RASA1: variants seen among roughly 807,000 people sequenced by gnomAD.
RASA1 encodes the protein ras GTPase-activating protein 1.
A neutral mutation model predicts 132.2 loss-of-function variants in RASA1; 25 were observed. The ratio of observed to expected loss-of-function variants is 0.19; its 90% CI spans 0.14 to 0.26. The LOEUF is 0.26. Among genes scored for constraint, RASA1 ranks in the 10% least tolerant of loss-of-function variants. RASA1 has a pLI of 1.00. For synonymous variants in RASA1, 477 were observed against 449.9 expected (o/e 1.06, Z -0.76); for missense variants, 964 against 1,299.2 (o/e 0.74, Z 3.97).
At chr5:87,327,044 G>A (rs1228985429) in intron 1 of RASA1, among the ~76,000 whole-genome samples, 3 of 152,146 alleles carry the variant, frequency 2.0e-5, no homozygotes, top group Non-Finnish European at 4.4e-5. Context: ...TATCCTTTGA[G>A]TATCCTCTAC....
intron 1 of RASA1, among the ~76,000 whole-genome samples, chr5:87,281,889 A>G (rs1309415238): frequency 6.6e-6 from 1 of 151,824 alleles, no homozygotes; most frequent in Non-Finnish European, 1.5e-5. Flanking sequence ...CCTATTGCCT[A>G]TTTTCGAGTT....
At chr5:87,311,780 G>A (rs1233977483) in intron 1 of RASA1, among the ~76,000 whole-genome samples, 1 of 152,172 alleles carries the variant, frequency 6.6e-6, no homozygotes, top group African/African-American at 2.4e-5. Context: ...TGACTCCAGA[G>A]GTCAGACTGA....
intron 1 of RASA1, among the ~76,000 whole-genome samples, chr5:87,269,945 A>G (rs2112225060): frequency 6.6e-6 from 1 of 152,268 alleles, no homozygotes; most frequent in South Asian, 2.1e-4. Flanking sequence ...ATTGACCCTT[A>G]GAATTTTAAC....
intron 15 of RASA1, among the ~76,000 whole-genome samples, chr5:87,375,164 C>T (rs1380832488): frequency 6.6e-6 from 1 of 152,178 alleles, no homozygotes; most frequent in Admixed American, 6.5e-5. Flanking sequence ...TAGCCACCCT[C>T]CTTTCTCCAA....
At chr5:87,332,674 C>CT (rs771476541) in intron 3 of RASA1, 32 bp downstream of exon 3, 9 of 1,581,430 alleles carry the variant, frequency 5.7e-6, no homozygotes, top group Non-Finnish European at 2.6e-6. Flanking sequence ...TCTTTCAAAA[C>CT]TTTATTTTTT....
intron 1 of RASA1, among the ~76,000 whole-genome samples, chr5:87,271,627 T>A (rs1753845054): frequency 6.6e-6 from 1 of 151,172 alleles, no homozygotes; most frequent in Admixed American, 6.6e-5. Flanking sequence ...GGATTACAGG[T>A]GCCCGCAACC....
intron 11 of RASA1, among the ~76,000 whole-genome samples, chr5:87,364,813 G>C (rs1276907739): frequency 1.3e-5 from 2 of 152,094 alleles, no homozygotes; most frequent in African/African-American, 4.8e-5. Flanking sequence ...AAAACATTCT[G>C]TTGAGCCACC....
At chr5:87,285,760 A>G (rs1208732553) in intron 1 of RASA1, among the ~76,000 whole-genome samples, 1 of 150,970 alleles carries the variant, frequency 6.6e-6, no homozygotes, top group African/African-American at 2.4e-5. Context: ...CTGGGATCAT[A>G]GGCGCACACC....
At position 87,267,955 on chromosome 5, in the gene RASA1, C is replaced by A. The variant is rs1753639141; in HGVS notation, c.-497C>A. On this transcript the variant is annotated 5_prime_UTR_variant, in exon 1 of 25. Coordinates refer to ENST00000274376, the MANE Select transcript of RASA1 (RefSeq NM_002890.3). ...TACCCCGCCCCCCTTTCTCTTGCCC[C>A]CCCACCCCTCTCATCTGCCTGGTGG... The A allele has an allele frequency of 5.1e-6, 2 of 393,024 alleles. No homozygotes were observed. The highest frequency in any genetic ancestry group is 2.8e-4 in the South Asian group (2 of 7,270). 24.3% of individuals were successfully genotyped at this position (393,024 alleles called of 1,614,324 possible).
rs779299337 is a variant in RASA1, at chr5:87,338,104, C to T, written c.1017+13C>T. 112 of 1,611,346 alleles carry T rather than the reference C, an allele frequency of 7.0e-5. No individual in the cohort carries two copies. The highest frequency in any genetic ancestry group is 9.2e-5 in the Non-Finnish European group (109 of 1,178,672). ...AGTAGAAGAGGTGGTAAGTTTTGTT[C>T]TTTTCTTCTCAATTCTAGATTCTAA... On this transcript the variant is annotated intron_variant, in intron 5 of 24. Transcript: ENST00000274376.
Position 87,268,380 on chromosome 5 carries a change from T to C in RASA1, c.-72T>C, listed in dbSNP as rs1187459985. On this transcript the variant is annotated 5_prime_UTR_variant, in exon 1 of 25. Coordinates refer to ENST00000274376, the MANE Select transcript of RASA1 (RefSeq NM_002890.3). ...GGGAGACGCGTCTGGGTGGGGCTGCTCGGAGCCCGGGCCTGGTGGCCCCTG... is the reference window on the plus strand; with the variant it reads ...GGGAGACGCGTCTGGGTGGGGCTGCCCGGAGCCCGGGCCTGGTGGCCCCTG... The C allele has an allele frequency of 7.6e-6, 11 of 1,455,924 alleles. No individual in the cohort carries two copies. The highest frequency in any genetic ancestry group is 1.0e-5 in the Non-Finnish European group (11 of 1,102,952). 90.2% of individuals were successfully genotyped at this position (1,455,924 alleles called of 1,614,324 possible).
At chr5:87,298,150 C>A (rs956611746) in intron 1 of RASA1, among the ~76,000 whole-genome samples, 1 of 152,100 alleles carries the variant, frequency 6.6e-6, no homozygotes, top group African/African-American at 2.4e-5. Flanking sequence ...TGGCTCACAC[C>A]TGTAATCCCA....
chr5:87,359,204 AG>A (rs1173748739), intron 9 of RASA1, among the ~76,000 whole-genome samples: 7 of 152,176 alleles, frequency 4.6e-5, no homozygotes, highest in Non-Finnish European at 8.8e-5. Flanking sequence ...TGACAAAGCT[AG>A]GATCTGCAAG....
intron 1 of RASA1, among the ~76,000 whole-genome samples, chr5:87,326,537 T>A (rs974368394): frequency 6.6e-6 from 1 of 152,156 alleles, no homozygotes; most frequent in Non-Finnish European, 1.5e-5. Context: ...TTTCCCCATC[T>A]TCCTTAGAGA....
intron 1 of RASA1, among the ~76,000 whole-genome samples, chr5:87,308,051 G>A (rs1025390518): frequency 4.6e-5 from 7 of 151,996 alleles, no homozygotes; most frequent in Admixed American, 2.6e-4. Flanking sequence ...AGTAGATATC[G>A]CTGGAGGGAA....
At chr5:87,308,189 C>T (rs1561269664) in intron 1 of RASA1, among the ~76,000 whole-genome samples, 2 of 151,814 alleles carry the variant, frequency 1.3e-5, no homozygotes, top group African/African-American at 4.8e-5. Context: ...TGTTTTCCTC[C>T]TGAGAATTCA....
intron 8 of RASA1, among the ~76,000 whole-genome samples, chr5:87,351,331 T>C (rs1003325054): frequency 4.0e-5 from 6 of 151,768 alleles, no homozygotes; most frequent in Non-Finnish European, 7.4e-5. Flanking sequence ...CTCAGGTTTA[T>C]TAGAAAAGAA....
chr5:87,289,454 ATGG>A (rs374150594), intron 1 of RASA1, among the ~76,000 whole-genome samples: 24 of 152,100 alleles, frequency 1.6e-4, no homozygotes, highest in African/African-American at 5.8e-4. Flanking sequence ...ATACTGTAAA[ATGG>A]TGGTTTTTCC....
chr5:87,378,583 T>C, intron 18 of RASA1, 45 bp downstream of exon 18: 1 of 1,528,918 alleles, frequency 6.5e-7, no homozygotes, highest in Middle Eastern at 1.7e-4. Flanking sequence ...AAGAACATAT[T>C]TTAATAGGTA....
Sources: allele counts gnomAD v4.1 joint callset (sites outside exome capture counted in the v4.1 genomes callset), GRCh38; gene constraint gnomAD v4.1.1; transcripts MANE v1.5; gene names NCBI Gene and HGNC (gene_info 2026-07-23, HGNC 2026-07-21).